Variants in ATG12 observed in about 807,000 individuals in gnomAD.
ATG12 encodes the protein ubiquitin-like protein ATG12.
In ATG12, 19 loss-of-function variants were observed where a neutral mutation model predicts 17.6. That is an observed-to-expected ratio of 1.08 (90% CI 0.75 to 1.58). The LOEUF (loss-of-function observed/expected upper bound fraction) is 1.58, where lower values mean the gene tolerates loss of function less well. Ranked by LOEUF, ATG12 falls within the 40% of genes most tolerant of loss-of-function variation. The pLI is 0.00. For synonymous variants in ATG12, 75 were observed against 62.4 expected (o/e 1.20, Z -0.95); for missense variants, 214 against 162.0 (o/e 1.32, Z -1.74).
chr5:115,841,119 G>C (rs1761430315), intron 1 of ATG12: 1 of 315,124 alleles, frequency 3.2e-6, no homozygotes, highest in Non-Finnish European at 5.7e-6. Context: ...CCTTCAAAGA[G>C]CTCGCAGTCT....
chr5:115,831,867 C>CAAAAAAAAAAA lies in ATG12; in HGVS notation c.364-5_364-4insTTTTTTTTTTT, dbSNP rs368266571. The CAAAAAAAAAAA allele has an allele frequency of 1.6e-6, 2 of 1,264,972 alleles. No homozygotes were observed. Among genetic ancestry groups the CAAAAAAAAAAA allele is most frequent in the Admixed American group, 2.3e-5 (1 of 44,218 alleles). 78.4% of individuals were successfully genotyped at this position (1,264,972 alleles called of 1,614,324 possible). ...GTTTACCATCACTGCCAAAACACTA[C>CAAAAAAAAAAA]AAAAAAAAAAGGCAATAAATCAAAC... On this transcript the variant is annotated splice_region_variant and splice_polypyrimidine_tract_variant and intron_variant, in intron 3 of 3. Coordinates refer to ENST00000509910, the MANE Select transcript of ATG12 (RefSeq NM_004707.4).
chr5:115,832,079 G>A (rs1345003657), intron 3 of ATG12, among the ~76,000 whole-genome samples: 1 of 152,146 alleles, frequency 6.6e-6, no homozygotes, highest in Non-Finnish European at 1.5e-5. Context: ...TCTTAGGCAT[G>A]AATGAGCTTA....
At chr5:115,841,277 A>C in intron 1 of ATG12, 113 bp downstream of exon 1, 1 of 1,385,872 alleles carries the variant, frequency 7.2e-7, no homozygotes, top group Non-Finnish European at 9.9e-7. Flanking sequence ...GACTGGTCAA[A>C]ATGCAGGTCT....
At position 115,832,630 on chromosome 5, in the gene ATG12, G is replaced by A. The variant is rs771321383; in HGVS notation, c.335C>T (p.Pro112Leu). Residue 112 changes from proline to leucine, a missense_variant, in exon 3 of 4, where the codon CCA (proline) becomes CTA (leucine). Pro to Leu is a moderately conservative substitution (Grantham distance 98). Transcript: ENST00000509910. ...IYVNQSFAPS[P>L]DQEVGTLYEC... ...ATAGAGAGTTCCAACTTCTTGGTCT[G>A]GGGAAGGAGCAAAGGACTGATTCAC... 3 of 1,516,104 alleles carry A rather than the reference G, an allele frequency of 2.0e-6. No individual in the cohort carries two copies. Among genetic ancestry groups the A allele is most frequent in the Non-Finnish European group, 2.6e-6 (3 of 1,143,058 alleles). 93.9% of individuals were successfully genotyped at this position (1,516,104 alleles called of 1,614,324 possible).
At chr5:115,833,484 G>A (rs1406743407) in intron 2 of ATG12, 1 of 152,074 alleles carries the variant, frequency 6.6e-6, no homozygotes, top group Non-Finnish European at 1.5e-5. Context: ...ATAGTGTGGT[G>A]ATTAAGTGTA....
intron 1 of ATG12, chr5:115,838,495 AAC>A (rs1561454018): frequency 6.6e-6 from 1 of 152,240 alleles, no homozygotes; most frequent in Admixed American, 6.5e-5. Context: ...ATTCATTAAA[AAC>A]CATCACAAAC....
intron 1 of ATG12, chr5:115,839,572 G>T (rs1448148022): frequency 6.6e-6 from 1 of 152,190 alleles, no homozygotes; most frequent in Non-Finnish European, 1.5e-5. Flanking sequence ...ACCAGAGAAG[G>T]AAAATAATTT....
At chr5:115,836,739 AT>A (rs1481594317) in intron 2 of ATG12, among the ~76,000 whole-genome samples, 3 of 152,194 alleles carry the variant, frequency 2.0e-5, no homozygotes, top group East Asian at 1.9e-4. Context: ...ACTATCCAAG[AT>A]TGTGATCTAT....
At chr5:115,840,701 C>CT in intron 1 of ATG12, 2 of 1,198,638 alleles carry the variant, frequency 1.7e-6, no homozygotes, top group South Asian at 1.5e-5. Context: ...ATAGGCAACT[C>CT]TAACTCTAAA....
Position 115,841,441 on chromosome 5 carries a change from C to A in ATG12, c.112G>T (p.Ala38Ser). The change falls in exon 1 of 4, where the codon GCT (alanine) becomes TCT (serine). Residue 38 changes from alanine (A) to serine (S), a missense_variant. Transcript: ENST00000509910. ...ETTTPEPPSS[A>S]AVSPGTEEPA... ...TCCTCTGTTCCCGGGGAAACTGCAG[C>A]GGAAGACGGGGGCTCCGGGGTGGTT... 6.2e-7 allele frequency: 1 copy of A among 1,610,004 alleles called. No homozygotes were observed. The highest frequency in any genetic ancestry group is 2.2e-5 in the East Asian group (1 of 44,830).
rs771158475 is a variant in ATG12, at chr5:115,841,519, G to A, written c.34C>T (p.Pro12Ser). ...AEEPQSVLQL[P>S]TSIAAGGEGL... ...TCCCCTCCAGCAGCAATTGAAGTAGGAAGCTGCAACACAGACTGCGGCTCC... is the reference window on the plus strand; with the variant it reads ...TCCCCTCCAGCAGCAATTGAAGTAGAAAGCTGCAACACAGACTGCGGCTCC... The change falls in exon 1 of 4, where the codon CCT becomes TCT. Residue 12 changes from proline to serine, a missense_variant. Coordinates refer to ENST00000509910, the MANE Select transcript of ATG12 (RefSeq NM_004707.4). The A allele has an allele frequency of 6.8e-6, 11 of 1,612,700 alleles. No individual in the cohort carries two copies. Among genetic ancestry groups the A allele is most frequent in the South Asian group, 5.5e-5 (5 of 91,036 alleles).
At chr5:115,835,049 T>C (rs1299808712) in intron 2 of ATG12, 1 of 152,204 alleles carries the variant, frequency 6.6e-6, no homozygotes, top group Non-Finnish European at 1.5e-5. Flanking sequence ...ATCCGTTGTT[T>C]ATGTTCCTCC....
chr5:115,841,267 G>T, intron 1 of ATG12, 123 bp downstream of exon 1: 1 of 1,279,398 alleles, frequency 7.8e-7, no homozygotes, highest in Non-Finnish European at 1.1e-6. Context: ...TTCTTCTGAT[G>T]ACTGGTCAAA....
chr5:115,841,305 A>G (rs917666540), intron 1 of ATG12, 85 bp downstream of exon 1: 1 of 1,573,386 alleles, frequency 6.4e-7, no homozygotes, highest in South Asian at 1.1e-5. Context: ...GCGCTCCTCT[A>G]AATTTTGCTT....
chr5:115,839,144 TAC>T (rs1348917463), intron 1 of ATG12: 1 of 144,100 alleles, frequency 6.9e-6, no homozygotes, highest in East Asian at 2.0e-4. Context: ...AAAAAAAATC[TAC>T]AGTCAAAAAG....
intron 1 of ATG12, chr5:115,840,977 A>G (rs1196398010): frequency 1.1e-6 from 1 of 948,220 alleles, no homozygotes; most frequent in African/African-American, 1.7e-5. Flanking sequence ...GTTGGAAGGC[A>G]TGAATTCTAA....
intron 1 of ATG12, 165 bp from the exon 2 acceptor site, chr5:115,837,929 T>C (rs2112728352): frequency 1.6e-6 from 1 of 612,118 alleles, no homozygotes; most frequent in East Asian, 3.4e-5. Context: ...TTTTCCATCA[T>C]TTTTTTCTTG....
chr5:115,838,927 G>C (rs1295518245), intron 1 of ATG12: 1 of 152,182 alleles, frequency 6.6e-6, no homozygotes, highest in Admixed American at 6.6e-5. Flanking sequence ...TTCACGACCA[G>C]CCTGGCCAAC....
chr5:115,837,303 C>T (rs553404642), intron 2 of ATG12, among the ~76,000 whole-genome samples: 9 of 151,938 alleles, frequency 5.9e-5, no homozygotes, highest in East Asian at 1.9e-4. Context: ...ACTTCTGAGG[C>T]GGCCCCGTCT....
Sources: gnomAD v4.1 joint callset for allele counts (sites outside exome capture counted in the v4.1 genomes callset) on GRCh38, gnomAD v4.1.1 for gene constraint, MANE v1.5 for transcripts, NCBI Gene and HGNC (gene_info 2026-07-23, HGNC 2026-07-21) for gene names.